Variants in SGCZ observed in about 807,000 individuals in gnomAD.
The protein encoded by SGCZ is sarcoglycan zeta.
In SGCZ, 40 loss-of-function variants were observed where a neutral mutation model predicts 41.3. The observed-to-expected ratio is 0.97, with a 90% CI of 0.75 to 1.26. SGCZ has a LOEUF of 1.26. SGCZ is among the 50% of genes most tolerant of loss of function. SGCZ has a pLI of 0.00. For synonymous variants in SGCZ, 206 were observed against 137.5 expected, an observed-to-expected ratio of 1.50 and a Z score of -3.49; for missense variants, 552 against 369.8, an observed-to-expected ratio of 1.49 and a Z score of -4.04.
At chr8:14,411,089 A>C (rs1398704735) in intron 2 of SGCZ, among the ~76,000 whole-genome samples, 1 of 152,176 alleles carries the variant, frequency 6.6e-6, no homozygotes, top group South Asian at 2.1e-4. Flanking sequence ...CAACTCTACT[A>C]TGAAATTAAA....
At chr8:15,168,461 T>TCC (rs1369042134) in intron 1 of SGCZ, among the ~76,000 whole-genome samples, 1 of 151,606 alleles carries the variant, frequency 6.6e-6, no homozygotes, top group African/African-American at 2.4e-5. Context: ...ATTCTCTAGC[T>TCC]CCCCCCACAA....
At chr8:14,949,326 C>T (rs1361417793) in intron 1 of SGCZ, among the ~76,000 whole-genome samples, 1 of 152,042 alleles carries the variant, frequency 6.6e-6, no homozygotes, top group South Asian at 2.1e-4. Flanking sequence ...TATTGCTGTA[C>T]TTTTGACCTT....
At chr8:15,206,600 C>T (rs1305911323) in intron 1 of SGCZ, among the ~76,000 whole-genome samples, 1 of 152,014 alleles carries the variant, frequency 6.6e-6, no homozygotes. Context: ...AGGTGCCCGC[C>T]ACCACACTTG....
At chr8:14,334,986 C>A (rs1033942651) in intron 2 of SGCZ, among the ~76,000 whole-genome samples, 7 of 152,050 alleles carry the variant, frequency 4.6e-5, no homozygotes, top group African/African-American at 1.7e-4. Flanking sequence ...GTACAGATAT[C>A]CTTCTGAGCT....
intron 1 of SGCZ, among the ~76,000 whole-genome samples, chr8:14,587,789 C>T (rs1010162374): frequency 6.6e-6 from 1 of 152,060 alleles, no homozygotes; most frequent in Non-Finnish European, 1.5e-5. Flanking sequence ...TACAAAAAGT[C>T]TTCTTTTTAA....
intron 1 of SGCZ, among the ~76,000 whole-genome samples, chr8:14,793,959 C>G (rs1274975988): frequency 6.6e-6 from 1 of 152,036 alleles, no homozygotes; most frequent in African/African-American, 2.4e-5. Context: ...AGTACTATAC[C>G]AGCCAGATTA....
Position 14,402,949 on chromosome 8 carries a change from T to A in SGCZ, c.235-78745A>T, listed in dbSNP as rs1451438926. 2.0e-5 allele frequency among the ~76,000 whole-genome samples: 3 copies of A among 149,888 alleles called. No individual in the cohort carries two copies. The East Asian group carries it at 5.8e-4, about 29-fold the overall frequency. On this transcript the variant is annotated intron_variant, in intron 2 of 7. Coordinates refer to ENST00000382080, the MANE Select transcript of SGCZ (RefSeq NM_139167.4). The stretch of plus-strand genomic sequence containing the variant: ...TGGAATGTTCTTCCATTTGTTTTTA[T>A]CCTCTTTTATTTCCTTGAGCAGTGG...
chr8:15,218,944 G>A (rs1393902731), intron 1 of SGCZ, among the ~76,000 whole-genome samples: 1 of 152,118 alleles, frequency 6.6e-6, no homozygotes, highest in African/African-American at 2.4e-5. Flanking sequence ...TTGTCTATGT[G>A]GTGCCAAAGC....
chr8:15,190,224 T>G (rs1161063342), intron 1 of SGCZ, among the ~76,000 whole-genome samples: 1 of 152,188 alleles, frequency 6.6e-6, no homozygotes, highest in Non-Finnish European at 1.5e-5. Context: ...ATGGTAAAGC[T>G]TGTTATACCT....
intron 1 of SGCZ, among the ~76,000 whole-genome samples, chr8:15,160,543 G>C (rs945907299): frequency 6.6e-6 from 1 of 152,166 alleles, no homozygotes; most frequent in Admixed American, 6.5e-5. Flanking sequence ...AATTTTGAAA[G>C]AAGGAAAAGT....
At chr8:14,265,564 A>G (rs1015996728) in intron 3 of SGCZ, among the ~76,000 whole-genome samples, 1 of 152,098 alleles carries the variant, frequency 6.6e-6, no homozygotes, top group Non-Finnish European at 1.5e-5. Flanking sequence ...CAGATTTTAT[A>G]TTTTATTTTC....
At chr8:14,328,981 G>T (rs1802221875) in intron 2 of SGCZ, among the ~76,000 whole-genome samples, 1 of 152,144 alleles carries the variant, frequency 6.6e-6, no homozygotes, top group Non-Finnish European at 1.5e-5. Context: ...GCAAACAGCA[G>T]CCTTCATCAG....
chr8:15,194,567 A>T (rs1800657960), intron 1 of SGCZ, among the ~76,000 whole-genome samples: 2 of 152,156 alleles, frequency 1.3e-5, no homozygotes, highest in Admixed American at 6.6e-5. Flanking sequence ...GGCCAATGGA[A>T]TCACGAGGGT....
intron 2 of SGCZ, among the ~76,000 whole-genome samples, chr8:14,456,045 G>T (rs758617133): frequency 2.0e-5 from 3 of 152,126 alleles, no homozygotes; most frequent in African/African-American, 7.2e-5. Flanking sequence ...AGGTGAAAAC[G>T]TTCTAATTAG....
At chr8:14,858,147 T>C (rs1803604366) in intron 1 of SGCZ, among the ~76,000 whole-genome samples, 1 of 152,046 alleles carries the variant, frequency 6.6e-6, no homozygotes, top group Non-Finnish European at 1.5e-5. Flanking sequence ...TTGACAACCC[T>C]TACGTTCTTA....
rs80272165 is a variant in SGCZ, at chr8:14,643,148, A to C, written c.40-88222T>G. 5.1e-3 allele frequency among the ~76,000 whole-genome samples: 775 copies of C among 151,800 alleles called. 7 individuals carry two copies. Among genetic ancestry groups the C allele is most frequent in the African/African-American group, 0.018 (730 of 41,486 alleles). ...AATTTTAAAACATGAATAGCAAAAT[A>C]GATGAAGGGGAAAAAGAGTGGAAAG... On this transcript the variant is annotated intron_variant, in intron 1 of 7. Coordinates refer to ENST00000382080, the MANE Select transcript of SGCZ (RefSeq NM_139167.4).
chr8:14,138,946 G>A (rs778637301), intron 5 of SGCZ, among the ~76,000 whole-genome samples: 1 of 152,084 alleles, frequency 6.6e-6, no homozygotes, highest in Admixed American at 6.5e-5. Context: ...CGAAAGTATA[G>A]CACTCCTCAG....
At position 15,186,262 on chromosome 8, in the gene SGCZ, CAAAAAAAAAAAAAAAAAAAAA is replaced by C. The variant is rs61237091; in HGVS notation, c.39+51302_39+51322del. Among the ~76,000 whole-genome samples the C allele has an allele frequency of 8.4e-4, 68 of 80,708 alleles. 1 individual carries two copies. Among genetic ancestry groups the C allele is most frequent in the South Asian group, 2.3e-3 (6 of 2,662 alleles). The allele number at this position is 80,708 out of a possible 152,430, so 52.9% of individuals were successfully genotyped here. ...GGGCAACAGAGGGAAGATTCCGTAC[CAAAAAAAAAAAAAAAAAAAAA>C]AAAAAAAAAAAAAAAAAGTTAATTT... On this transcript the variant is annotated intron_variant, in intron 1 of 7. Transcript: ENST00000382080.
chr8:14,567,697 T>C (rs980798051), intron 1 of SGCZ, among the ~76,000 whole-genome samples: 1 of 152,186 alleles, frequency 6.6e-6, no homozygotes, highest in African/African-American at 2.4e-5. Flanking sequence ...GCTCACTCTT[T>C]GGGTGCACAC....
Sources: allele counts gnomAD v4.1 joint callset (sites outside exome capture counted in the v4.1 genomes callset), GRCh38; gene constraint gnomAD v4.1.1; transcripts MANE v1.5; gene names NCBI Gene and HGNC (gene_info 2026-07-23, HGNC 2026-07-21).